Variants in TENM3 observed in about 807,000 individuals in gnomAD.
TENM3 encodes teneurin-3.
A neutral mutation model predicts 255.1 loss-of-function variants in TENM3; 63 were observed. That is an observed-to-expected ratio of 0.25 (90% CI 0.20 to 0.30). The LOEUF is 0.30. Ranked by LOEUF, TENM3 falls within the 10% of genes least tolerant of loss-of-function variation. TENM3 has a pLI of 1.00. For missense variants in TENM3, 2,929 were observed against 3,461.1 expected (o/e 0.85, Z 3.86); for synonymous variants, 1,306 against 1,322.3 (o/e 0.99, Z 0.27).
At chr4:182,209,342 C>G (rs948310146) in intron 1 of TENM3, among the ~76,000 whole-genome samples, 4 of 152,092 alleles carry the variant, frequency 2.6e-5, no homozygotes, top group Non-Finnish European at 2.9e-5. Flanking sequence ...ATCCCATCCC[C>G]CACACTCAAG....
the TENM3 span, among the ~76,000 whole-genome samples, chr4:181,754,689 A>G: frequency 2.1e-3 from 325 of 152,290 alleles, no homozygotes; most frequent in Non-Finnish European, 3.6e-3. Flanking sequence ...AAAGCTGGAA[A>G]GGTAGGCTGA....
the TENM3 span, among the ~76,000 whole-genome samples, chr4:181,741,514 T>G: frequency 6.6e-6 from 1 of 152,232 alleles, no homozygotes; most frequent in East Asian, 1.9e-4. Context: ...CAGATAATTC[T>G]ACTGGAGTTC....
chr4:182,346,633 T>C lies in TENM3; in HGVS notation c.233-18T>C, dbSNP rs781673155. 4 of 1,610,038 alleles carry C rather than the reference T, an allele frequency of 2.5e-6. No homozygotes were observed. Among genetic ancestry groups the C allele is most frequent in the South Asian group, 2.2e-5 (2 of 90,734 alleles). ...AACATATACTCACTAGTTGTTATCTTTTTTTCCCCCTAATTAGGACAGAAT... is the reference window on the plus strand; with the variant it reads ...AACATATACTCACTAGTTGTTATCTCTTTTTCCCCCTAATTAGGACAGAAT... On this transcript the variant is annotated intron_variant, in intron 2 of 27. Coordinates refer to ENST00000511685, the MANE Select transcript of TENM3 (RefSeq NM_001080477.4).
intron 3 of TENM3, among the ~76,000 whole-genome samples, chr4:182,508,144 A>G (rs1167433947): frequency 6.6e-6 from 1 of 152,200 alleles, no homozygotes; most frequent in East Asian, 1.9e-4. Flanking sequence ...GAGCTGTTAT[A>G]AGGATGAGAC....
chr4:182,249,065 T>C (rs1022722837), intron 1 of TENM3, among the ~76,000 whole-genome samples: 2 of 152,214 alleles, frequency 1.3e-5, no homozygotes, highest in Non-Finnish European at 2.9e-5. Flanking sequence ...TATAGTTTTA[T>C]TCCGATTTTG....
Position 182,673,070 on chromosome 4 carries a change from A to G in TENM3, c.1177A>G (p.Arg393Gly). The G allele has an allele frequency of 6.2e-7, 1 of 1,611,420 alleles. No individual in the cohort carries two copies. The highest frequency in any genetic ancestry group is 8.5e-7 in the Non-Finnish European group (1 of 1,178,516). Reference sequence around the variant, plus strand: ...TTCCGGAGAACTTGATATTGGCCGAAGAGCAATTCAAGAGATTCCTCCCGG... The same window carrying G: ...TTCCGGAGAACTTGATATTGGCCGAGGAGCAATTCAAGAGATTCCTCCCGG... ...IDSGELDIGR[R>G]AIQEIPPGIF... The change falls in exon 7 of 28, where the codon AGA (arginine) becomes GGA (glycine). Residue 393 changes from arginine to glycine, a missense_variant. Coordinates refer to ENST00000511685, the MANE Select transcript of TENM3 (RefSeq NM_001080477.4).
chr4:182,721,401 G>A (rs182823204), intron 13 of TENM3, among the ~76,000 whole-genome samples: 9 of 152,046 alleles, frequency 5.9e-5, no homozygotes, highest in South Asian at 2.1e-4. Context: ...TTTCATGCCC[G>A]TACACATAGG....
intron 1 of TENM3, among the ~76,000 whole-genome samples, chr4:182,265,335 T>C (rs28826924): frequency 0.17 from 25,773 of 152,066 alleles, 3,905 homozygotes; most frequent in African/African-American, 0.4. Flanking sequence ...TGTTCTTGGC[T>C]ACCTGGAAGA....
At chr4:181,843,694 CACCG>C in the TENM3 span, among the ~76,000 whole-genome samples, 3 of 150,680 alleles carry the variant, frequency 2.0e-5, no homozygotes, top group African/African-American at 7.3e-5. Flanking sequence ...GAGAGTGAGG[CACCG>C]CCTCTGGTAA....
At chr4:182,569,181 G>T (rs1475763226) in intron 3 of TENM3, among the ~76,000 whole-genome samples, 1 of 152,142 alleles carries the variant, frequency 6.6e-6, no homozygotes, top group Non-Finnish European at 1.5e-5. Flanking sequence ...CAAAATCTAT[G>T]GGCCTATGTT....
chr4:182,383,624 C>G (rs1447147043), intron 3 of TENM3, among the ~76,000 whole-genome samples: 1 of 151,942 alleles, frequency 6.6e-6, no homozygotes, highest in Non-Finnish European at 1.5e-5. Context: ...TGTCTTCCAT[C>G]CCTCCCTCCC....
At chr4:182,093,435 G>A in the TENM3 span, among the ~76,000 whole-genome samples, 2 of 61,712 alleles carry the variant, frequency 3.2e-5, no homozygotes, top group Non-Finnish European at 6.8e-5. Flanking sequence ...GACAAAGCTA[G>A]ATGATAACAT....
chr4:182,275,754 T>C (rs1037352016), intron 1 of TENM3, among the ~76,000 whole-genome samples: 4 of 152,004 alleles, frequency 2.6e-5, no homozygotes, highest in Admixed American at 6.6e-5. Context: ...CTGGGCAGCA[T>C]AGCAAGACCC....
At chr4:181,804,716 G>A in the TENM3 span, among the ~76,000 whole-genome samples, 3 of 152,268 alleles carry the variant, frequency 2.0e-5, no homozygotes, top group South Asian at 6.2e-4. Flanking sequence ...GGCAAAAGAA[G>A]TCAGAAGTGG....
chr4:182,129,577 G>T, the TENM3 span, among the ~76,000 whole-genome samples: 1 of 152,104 alleles, frequency 6.6e-6, no homozygotes, highest in Non-Finnish European at 1.5e-5. Context: ...AAAGCTTTAG[G>T]TGTCGAAGGA....
chr4:182,616,512 TAAA>T (rs2152441615), intron 4 of TENM3, among the ~76,000 whole-genome samples: 1 of 20,622 alleles, frequency 4.8e-5, no homozygotes, highest in Admixed American at 8.1e-4. Flanking sequence ...CCCTAAAACT[TAAA>T]GTATAATAAA....
chr4:181,837,639 G>A, the TENM3 span, among the ~76,000 whole-genome samples: 5 of 152,166 alleles, frequency 3.3e-5, no homozygotes, highest in African/African-American at 7.2e-5. Flanking sequence ...TGAGCTGATG[G>A]ACAAACCACC....
the TENM3 span, among the ~76,000 whole-genome samples, chr4:181,971,868 C>T: frequency 6.6e-6 from 1 of 152,070 alleles, no homozygotes; most frequent in African/African-American, 2.4e-5. Flanking sequence ...CTGCACCTGG[C>T]CAGGGATGGG....
the TENM3 span, among the ~76,000 whole-genome samples, chr4:182,015,668 C>T: frequency 6.6e-6 from 1 of 152,068 alleles, no homozygotes; most frequent in African/African-American, 2.4e-5. Flanking sequence ...TCAAGTGATT[C>T]TCCTGCCTCA....
Sources: gnomAD v4.1 joint callset for allele counts (sites outside exome capture counted in the v4.1 genomes callset) on GRCh38, gnomAD v4.1.1 for gene constraint, MANE v1.5 for transcripts, NCBI Gene and HGNC (gene_info 2026-07-23, HGNC 2026-07-21) for gene names.